CSMD1: variants seen among roughly 807,000 people sequenced by gnomAD.
CSMD1 encodes CUB and sushi domain-containing protein 1.
Under a neutral mutation model 417.5 loss-of-function variants are expected in CSMD1, and 213 were observed. The ratio of observed to expected loss-of-function variants is 0.51; its 90% CI spans 0.46 to 0.57. The LOEUF (loss-of-function observed/expected upper bound fraction) is 0.57. CSMD1 is among the 20% of genes least tolerant of loss of function. The pLI is 0.00. For synonymous variants in CSMD1, 2,862 were observed against 1,736.8 expected (o/e 1.65, Z -16.11); for missense variants, 6,923 against 4,529.7 (o/e 1.53, Z -15.17).
At chr8:4,904,482 G>A (rs942500241) in intron 1 of CSMD1, among the ~76,000 whole-genome samples, 15 of 152,078 alleles carry the variant, frequency 9.9e-5, no homozygotes, top group Non-Finnish European at 2.2e-4. Context: ...ACAGCTGGTA[G>A]GGCTCAATCG....
intron 2 of CSMD1, among the ~76,000 whole-genome samples, chr8:4,602,579 G>T (rs1023449058): frequency 1.3e-5 from 2 of 152,116 alleles, no homozygotes; most frequent in African/African-American, 4.8e-5. Context: ...ACTCTTTAAC[G>T]TGCCTACAAG....
chr8:4,818,128 A>G (rs1799311754), intron 1 of CSMD1, among the ~76,000 whole-genome samples: 1 of 152,164 alleles, frequency 6.6e-6, no homozygotes, highest in Non-Finnish European at 1.5e-5. Flanking sequence ...CGGGAAGCCT[A>G]CTCGTAAAAT....
At position 3,554,205 on chromosome 8, in the gene CSMD1, A is replaced by G. The variant is rs561885678; in HGVS notation, c.1344+20740T>C. Among the ~76,000 whole-genome samples the G allele has an allele frequency of 2.0e-5, 3 of 152,384 alleles. No individual in the cohort carries two copies. In the East Asian group the frequency reaches 5.8e-4, roughly 29 times the overall value. ...TTAATGGATATAGCCATTTAAGGCAAAAAAGATTGTGTTTTTCTTTATAAG... is the reference window on the plus strand; with the variant it reads ...TTAATGGATATAGCCATTTAAGGCAGAAAAGATTGTGTTTTTCTTTATAAG... On this transcript the variant is annotated intron_variant, in intron 10 of 69. Transcript: ENST00000635120.
chr8:4,729,875 G>C (rs1809730378), intron 1 of CSMD1, among the ~76,000 whole-genome samples: 1 of 152,120 alleles, frequency 6.6e-6, no homozygotes, highest in Admixed American at 6.6e-5. Flanking sequence ...GAATTCCTAA[G>C]GTGATAGGAA....
chr8:3,488,643 C>T (rs1035241722), intron 11 of CSMD1, among the ~76,000 whole-genome samples: 1 of 152,094 alleles, frequency 6.6e-6, no homozygotes, highest in Non-Finnish European at 1.5e-5. Flanking sequence ...CTCGCTGAGT[C>T]CTAGCATAAT....
At position 4,653,707 on chromosome 8, in the gene CSMD1, G is replaced by C. The variant is rs567934950; in HGVS notation, c.86-16149C>G. ...GGCTGAAAATAAGCATAACACAAAT[G>C]GCAGAAAAGGAAATGTTGGAGGAAA... is the stretch of plus-strand genomic sequence containing the variant. On this transcript the variant is annotated intron_variant, in intron 1 of 69. Transcript: ENST00000635120. 2.0e-5 allele frequency among the ~76,000 whole-genome samples: 3 copies of C among 152,138 alleles called. No individual in the cohort carries two copies. The South Asian group carries it at 6.2e-4, about 32-fold the overall frequency.
intron 2 of CSMD1, among the ~76,000 whole-genome samples, chr8:4,582,444 C>G (rs1347450761): frequency 2.0e-5 from 3 of 152,100 alleles, no homozygotes; most frequent in Non-Finnish European, 4.4e-5. Flanking sequence ...AGAAAGAAAA[C>G]ACAGAGTGGT....
At chr8:3,062,614 C>A (rs367596776) in intron 49 of CSMD1, among the ~76,000 whole-genome samples, 1 of 147,764 alleles carries the variant, frequency 6.8e-6, no homozygotes, top group African/African-American at 2.5e-5. Flanking sequence ...TAGGATTGAG[C>A]GAGAAGTATC....
chr8:3,072,684 G>A (rs1363361863), intron 49 of CSMD1, among the ~76,000 whole-genome samples: 1 of 152,200 alleles, frequency 6.6e-6, no homozygotes, highest in Non-Finnish European at 1.5e-5. Context: ...GGAAGCAGAT[G>A]TGGCAGAGAA....
intron 1 of CSMD1, among the ~76,000 whole-genome samples, chr8:4,907,999 G>A (rs1159381382): frequency 6.6e-6 from 1 of 151,900 alleles, no homozygotes; most frequent in Non-Finnish European, 1.5e-5. Flanking sequence ...ACACCATCTG[G>A]GAATTATTAC....
At chr8:4,725,061 T>C (rs1465736072) in intron 1 of CSMD1, among the ~76,000 whole-genome samples, 1 of 152,172 alleles carries the variant, frequency 6.6e-6, no homozygotes, top group Non-Finnish European at 1.5e-5. Flanking sequence ...AAAGGGGAAA[T>C]GTGTGACTTT....
intron 1 of CSMD1, among the ~76,000 whole-genome samples, chr8:4,909,255 G>A (rs113599434): frequency 5.3e-5 from 8 of 152,140 alleles, no homozygotes; most frequent in Admixed American, 4.6e-4. Flanking sequence ...CCTACTAGCT[G>A]TGAGTCTTTT....
intron 10 of CSMD1, among the ~76,000 whole-genome samples, chr8:3,497,588 T>C (rs1437405875): frequency 1.3e-5 from 2 of 152,264 alleles, no homozygotes; most frequent in Non-Finnish European, 2.9e-5. Context: ...TCACTTAAAG[T>C]CCATGTTATC....
chr8:4,776,186 G>C (rs1033669714), intron 1 of CSMD1, among the ~76,000 whole-genome samples: 2 of 152,190 alleles, frequency 1.3e-5, no homozygotes, highest in Non-Finnish European at 2.9e-5. Flanking sequence ...TTAGAAGAGA[G>C]CCTGTTCCCA....
chr8:4,958,268 T>C (rs1334234944), intron 1 of CSMD1, among the ~76,000 whole-genome samples: 3 of 152,212 alleles, frequency 2.0e-5, no homozygotes, highest in Non-Finnish European at 2.9e-5. Context: ...ACAGGTTCAA[T>C]GAAAGTGCAC....
chr8:3,649,297 A>C (rs1350507425), intron 7 of CSMD1, among the ~76,000 whole-genome samples: 1 of 152,248 alleles, frequency 6.6e-6, no homozygotes, highest in Non-Finnish European at 1.5e-5. Flanking sequence ...CAAGAAAAAA[A>C]CATGAAACTC....
chr8:3,445,367 C>T (rs1254374603), intron 12 of CSMD1, among the ~76,000 whole-genome samples: 2 of 152,072 alleles, frequency 1.3e-5, no homozygotes, highest in East Asian at 3.9e-4. Context: ...TATATGTTAC[C>T]ATCTTATTTT....
intron 23 of CSMD1, among the ~76,000 whole-genome samples, chr8:3,326,358 C>T (rs1226433190): frequency 7.2e-5 from 11 of 152,148 alleles, no homozygotes; most frequent in Non-Finnish European, 5.9e-5. Context: ...TGGTACCTTC[C>T]ACCTTCCTCC....
At chr8:4,399,785 T>G (rs1289744152) in intron 3 of CSMD1, among the ~76,000 whole-genome samples, 2 of 152,226 alleles carry the variant, frequency 1.3e-5, no homozygotes, top group Non-Finnish European at 2.9e-5. Context: ...AGTCTATTTC[T>G]AAAAGATGCA....
Sources: allele counts gnomAD v4.1 joint callset (sites outside exome capture counted in the v4.1 genomes callset), GRCh38; gene constraint gnomAD v4.1.1; transcripts MANE v1.5; gene names NCBI Gene and HGNC (gene_info 2026-07-23, HGNC 2026-07-21).